Variants in ZNF469 observed in about 807,000 individuals in gnomAD.
ZNF469 encodes zinc finger protein 469.
ZNF469 carries 1 observed loss-of-function variant against 1.0 expected under a neutral mutation model. That is an observed-to-expected ratio of 1.00 (90% CI 0.35 to 4.73). ZNF469 has a LOEUF of 4.73. Ranked by LOEUF, ZNF469 falls within the 30% of genes most tolerant of loss-of-function variation. The pLI, the probability that ZNF469 is intolerant of heterozygous loss-of-function variation, is 0.16. For missense variants in ZNF469, 6,100 were observed against 5,356.3 expected (o/e 1.14, Z -4.33); for synonymous variants, 2,703 against 2,363.4 (o/e 1.14, Z -4.17).
At chr16:88,384,035 G>T (rs922296556) in intron 1 of ZNF469, among the ~76,000 whole-genome samples, 1 of 152,252 alleles carries the variant, frequency 6.6e-6, no homozygotes, top group Non-Finnish European at 1.5e-5. Context: ...CCCCGGCGGG[G>T]GCGGGGGGGC....
upstream of ZNF469, among the ~76,000 whole-genome samples, chr16:88,382,556 G>A (rs1418879303): frequency 2.6e-5 from 4 of 152,216 alleles, no homozygotes; most frequent in Non-Finnish European, 5.9e-5. Context: ...CACTCAAACC[G>A]AACTTGCCCA....
At chr16:88,144,432 C>T in the ZNF469 span, among the ~76,000 whole-genome samples, 1 of 152,218 alleles carries the variant, frequency 6.6e-6, no homozygotes, top group Admixed American at 6.5e-5. Context: ...TTAACGCCAG[C>T]TGCCTCTGCC....
chr16:88,203,272 G>T, the ZNF469 span, among the ~76,000 whole-genome samples: 2 of 152,150 alleles, frequency 1.3e-5, no homozygotes, highest in Admixed American at 6.5e-5. Context: ...CAAGACCCGC[G>T]TCTAGGAAGA....
At chr16:88,243,273 C>A in the ZNF469 span, among the ~76,000 whole-genome samples, 1 of 152,296 alleles carries the variant, frequency 6.6e-6, no homozygotes, top group Admixed American at 6.5e-5. Context: ...CACAGCCTGA[C>A]AGCACTCACT....
At chr16:88,284,332 T>C in the ZNF469 span, among the ~76,000 whole-genome samples, 3 of 152,142 alleles carry the variant, frequency 2.0e-5, no homozygotes, top group Non-Finnish European at 4.4e-5. Flanking sequence ...ACGCCTATAA[T>C]CCCAGCCTCC....
chr16:88,176,761 C>T, the ZNF469 span, among the ~76,000 whole-genome samples: 2 of 152,378 alleles, frequency 1.3e-5, no homozygotes, highest in Admixed American at 6.5e-5. Context: ...CCTGCCACAA[C>T]CCCCAACGCC....
chr16:88,249,687 C>G, the ZNF469 span, among the ~76,000 whole-genome samples: 73,698 of 151,416 alleles, frequency 0.49, 18,097 homozygotes, highest in South Asian at 0.62. Context: ...CCGCCCACCT[C>G]GGCCTCCCAA....
the ZNF469 span, among the ~76,000 whole-genome samples, chr16:88,149,403 G>A: frequency 6.6e-6 from 1 of 152,150 alleles, no homozygotes; most frequent in East Asian, 1.9e-4. Context: ...TCAGGCCGGT[G>A]TCTGTGTCCT....
chr16:88,354,323 C>T, the ZNF469 span, among the ~76,000 whole-genome samples: 5 of 152,264 alleles, frequency 3.3e-5, no homozygotes, highest in East Asian at 3.9e-4. Flanking sequence ...GTGCCAGGTT[C>T]GGGGTAGGAG....
At chr16:88,300,450 G>A in the ZNF469 span, among the ~76,000 whole-genome samples, 1 of 152,038 alleles carries the variant, frequency 6.6e-6, no homozygotes, top group Non-Finnish European at 1.5e-5. Flanking sequence ...TGTGACGGGT[G>A]CAGCATCCCC....
the ZNF469 span, among the ~76,000 whole-genome samples, chr16:88,352,906 C>T: frequency 6.6e-6 from 1 of 152,188 alleles, no homozygotes; most frequent in African/African-American, 2.4e-5. Flanking sequence ...CTCCTGGGTC[C>T]CCTCCGTTGG....
chr16:88,438,518 G>A lies in ZNF469; in HGVS notation c.11048G>A (p.Arg3683Lys), dbSNP rs1906767988. The A allele has an allele frequency of 6.5e-7, 1 of 1,550,030 alleles. No homozygotes were observed. Among genetic ancestry groups the A allele is most frequent in the African/African-American group, 1.4e-5 (1 of 73,054 alleles). ...PAGCQSSSKD[R>K]SAASTPSKAL... ...GGCTGCCAGAGCTCATCAAAGGACA[G>A]GTCGGCAGCATCCACCCCCAGCAAA... is the stretch of plus-strand genomic sequence containing the variant. The change falls in exon 3 of 3, where the codon AGG (arginine) becomes AAG (lysine). Residue 3683 changes from arginine (R) to lysine (K), a missense_variant. By Grantham distance (26) the Arg-to-Lys change is conservative. Transcript: ENST00000565624.
At chr16:88,108,599 G>C in the ZNF469 span, among the ~76,000 whole-genome samples, 4 of 152,226 alleles carry the variant, frequency 2.6e-5, no homozygotes, top group African/African-American at 9.6e-5. Flanking sequence ...TGTTTCCCCA[G>C]AGAACTCTCG....
intron 1 of ZNF469, among the ~76,000 whole-genome samples, chr16:88,386,359 C>A (rs916866372): frequency 6.6e-6 from 1 of 152,112 alleles, no homozygotes; most frequent in East Asian, 1.9e-4. Context: ...CTCTTCCCGC[C>A]TCCTGCCCGG....
upstream of ZNF469, among the ~76,000 whole-genome samples, chr16:88,379,800 G>T (rs1484842107): frequency 6.6e-6 from 1 of 151,776 alleles, no homozygotes; most frequent in Non-Finnish European, 1.5e-5. Context: ...GACAGGGGAG[G>T]TGTGCCGCGG....
the ZNF469 span, among the ~76,000 whole-genome samples, chr16:88,153,514 C>G: frequency 5.3e-5 from 8 of 152,358 alleles, no homozygotes; most frequent in Non-Finnish European, 8.8e-5. Context: ...AAGGATGCAC[C>G]TGCCCGTCAC....
chr16:88,324,590 A>G, the ZNF469 span, among the ~76,000 whole-genome samples: 1 of 152,252 alleles, frequency 6.6e-6, no homozygotes, highest in African/African-American at 2.4e-5. Context: ...GTGTACAGAG[A>G]GTTGCTGCTC....
the ZNF469 span, among the ~76,000 whole-genome samples, chr16:88,125,241 G>A: frequency 6.6e-6 from 1 of 152,168 alleles, no homozygotes; most frequent in South Asian, 2.1e-4. Flanking sequence ...CTTTACACTG[G>A]CATGCTGTCT....
At chr16:88,293,675 A>G in the ZNF469 span, among the ~76,000 whole-genome samples, 1 of 152,108 alleles carries the variant, frequency 6.6e-6, no homozygotes, top group African/African-American at 2.4e-5. Context: ...TGGGGGGTGT[A>G]TTTTCCCTCT....
Sources: gnomAD v4.1 joint callset for allele counts (sites outside exome capture counted in the v4.1 genomes callset) on GRCh38, gnomAD v4.1.1 for gene constraint, MANE v1.5 for transcripts, NCBI Gene and HGNC (gene_info 2026-07-23, HGNC 2026-07-21) for gene names.